The following C12orf42 variants were observed in gnomAD, a reference collection of about 807,000 sequenced individuals.
The protein encoded by C12orf42 is uncharacterized protein C12orf42.
Under a neutral mutation model 21.6 loss-of-function variants are expected in C12orf42, and 25 were observed. The observed-to-expected ratio is 1.16, with a 90% confidence interval of 0.84 to 1.62. The LOEUF (loss-of-function observed/expected upper bound fraction) is 1.62. Ranked by LOEUF, C12orf42 falls within the 40% of genes most tolerant of loss-of-function variation. C12orf42 has a pLI of 0.00. For synonymous variants in C12orf42, 174 were observed against 175.0 expected (o/e 0.99, Z 0.05); for missense variants, 483 against 459.3 (o/e 1.05, Z -0.47).
At chr12:103,299,434 T>C (rs2037512917), downstream of C12orf42, among the ~76,000 whole-genome samples, 1 of 152,044 alleles carries the variant, frequency 6.6e-6, no homozygotes, top group Non-Finnish European at 1.5e-5. Flanking sequence ...ACTTAGTTTC[T>C]TCAGTGCACC....
the C12orf42 span, among the ~76,000 whole-genome samples, chr12:103,193,387 A>C: frequency 6.6e-6 from 1 of 151,746 alleles, no homozygotes; most frequent in Non-Finnish European, 1.5e-5. Flanking sequence ...AAAAATAATA[A>C]ATGTCAAGGC....
At chr12:103,349,562 C>T (rs1039148509) in intron 4 of C12orf42, among the ~76,000 whole-genome samples, 3 of 151,968 alleles carry the variant, frequency 2.0e-5, no homozygotes, top group Non-Finnish European at 4.4e-5. Flanking sequence ...TTAACTTATC[C>T]TAGCAAATTT....
intron 3 of C12orf42, among the ~76,000 whole-genome samples, chr12:103,384,529 A>G (rs546476668): frequency 5.9e-5 from 9 of 152,344 alleles, no homozygotes; most frequent in African/African-American, 2.2e-4. Context: ...AAGGTAACAC[A>G]TGTAAAATAC....
At chr12:103,097,521 T>G in the C12orf42 span, among the ~76,000 whole-genome samples, 1 of 152,216 alleles carries the variant, frequency 6.6e-6, no homozygotes, top group Non-Finnish European at 1.5e-5. Context: ...TTTAGAGTTG[T>G]CTACAGAGTC....
chr12:103,352,435 CT>C (rs2043179590), intron 4 of C12orf42, among the ~76,000 whole-genome samples: 1 of 152,134 alleles, frequency 6.6e-6, no homozygotes, highest in Non-Finnish European at 1.5e-5. Flanking sequence ...TATTTCAAGA[CT>C]TTGCTTTTCT....
the C12orf42 span, among the ~76,000 whole-genome samples, chr12:103,177,722 T>C: frequency 1.3e-5 from 2 of 152,212 alleles, no homozygotes; most frequent in Admixed American, 1.3e-4. Context: ...GGTTATTAAA[T>C]AGCAGTTTGC....
chr12:103,144,493 C>T, the C12orf42 span, among the ~76,000 whole-genome samples: 1 of 152,116 alleles, frequency 6.6e-6, no homozygotes, highest in Admixed American at 6.6e-5. Flanking sequence ...AATGAGATAT[C>T]GTAGAGGCAG....
intron 1 of C12orf42, among the ~76,000 whole-genome samples, chr12:103,480,837 T>C (rs1167396212): frequency 6.6e-6 from 1 of 151,704 alleles, no homozygotes; most frequent in African/African-American, 2.4e-5. Flanking sequence ...AAATATTTCA[T>C]ATGTGCTTAG....
the C12orf42 span, among the ~76,000 whole-genome samples, chr12:103,050,876 CT>C: frequency 2.0e-5 from 3 of 152,134 alleles, no homozygotes; most frequent in Admixed American, 1.3e-4. Context: ...TTCAAAAATA[CT>C]TTTCAAATAT....
intron 1 of C12orf42, among the ~76,000 whole-genome samples, chr12:103,486,867 C>T (rs1320895978): frequency 2.0e-5 from 3 of 152,112 alleles, no homozygotes; most frequent in Non-Finnish European, 4.4e-5. Context: ...ATTAGTCTTG[C>T]TAGCAGTCTA....
the C12orf42 span, among the ~76,000 whole-genome samples, chr12:103,203,548 G>C: frequency 6.6e-6 from 1 of 152,118 alleles, no homozygotes; most frequent in Non-Finnish European, 1.5e-5. Context: ...ATGGGTTGTT[G>C]ACATCTTTAC....
the C12orf42 span, among the ~76,000 whole-genome samples, chr12:103,539,272 C>T: frequency 6.6e-6 from 1 of 151,998 alleles, no homozygotes; most frequent in African/African-American, 2.4e-5. Context: ...CATCTCTAGA[C>T]ATATATCTGT....
At chr12:103,177,204 C>T in the C12orf42 span, among the ~76,000 whole-genome samples, 6 of 152,108 alleles carry the variant, frequency 3.9e-5, no homozygotes, top group South Asian at 6.2e-4. Context: ...ACAAATAAGA[C>T]GGCCTGATCC....
intron 10 of C12orf42, chr12:103,263,267 T>C (rs1172916614): frequency 1.3e-5 from 2 of 152,014 alleles, no homozygotes; most frequent in Non-Finnish European, 2.9e-5. Flanking sequence ...AATCTGCATG[T>C]TGTGCCCATG....
chr12:103,536,072 T>C, the C12orf42 span, among the ~76,000 whole-genome samples: 1 of 152,230 alleles, frequency 6.6e-6, no homozygotes, highest in Non-Finnish European at 1.5e-5. Context: ...TGAACTACTA[T>C]GCCTGGCTGA....
At chr12:103,147,493 C>CT in the C12orf42 span, among the ~76,000 whole-genome samples, 4 of 84,982 alleles carry the variant, frequency 4.7e-5, no homozygotes, top group Non-Finnish European at 6.7e-5. Flanking sequence ...TTCTTTTTTT[C>CT]TTTTTTTTTC....
chr12:103,173,965 A>T, the C12orf42 span, among the ~76,000 whole-genome samples: 1 of 152,278 alleles, frequency 6.6e-6, no homozygotes, highest in Non-Finnish European at 1.5e-5. Context: ...AAGGTGTTGG[A>T]TCAACTTGCC....
the C12orf42 span, among the ~76,000 whole-genome samples, chr12:103,214,207 G>T: frequency 2.0e-5 from 3 of 152,144 alleles, no homozygotes; most frequent in African/African-American, 7.2e-5. Flanking sequence ...GGATGCTTGT[G>T]CCTTAGAATA....
chr12:103,202,734 A>T, the C12orf42 span, among the ~76,000 whole-genome samples: 2 of 152,258 alleles, frequency 1.3e-5, no homozygotes, highest in East Asian at 3.9e-4. Flanking sequence ...TTTTTGTCTC[A>T]AGCTAAGTGA....
Sources: allele counts gnomAD v4.1 joint callset (sites outside exome capture counted in the v4.1 genomes callset), GRCh38; gene constraint gnomAD v4.1.1; transcripts MANE v1.5; gene names NCBI Gene and HGNC (gene_info 2026-07-23, HGNC 2026-07-21).